CCSER1: variants seen among roughly 807,000 people sequenced by gnomAD.
CCSER1 encodes the protein serine-rich coiled-coil domain-containing protein 1.
A neutral mutation model predicts 82.0 loss-of-function variants in CCSER1; 41 were observed. The ratio of observed to expected loss-of-function variants is 0.50; its 90% CI spans 0.39 to 0.65. CCSER1 has a LOEUF of 0.65. CCSER1 is among the 30% of genes least tolerant of loss of function. CCSER1 has a pLI of 0.00. For synonymous variants in CCSER1, 414 were observed against 383.9 expected (o/e 1.08, Z -0.92); for missense variants, 1,119 against 1,064.2 (o/e 1.05, Z -0.72).
At chr4:91,340,991 T>A (rs1747685389) in intron 10 of CCSER1, among the ~76,000 whole-genome samples, 1 of 152,206 alleles carries the variant, frequency 6.6e-6, no homozygotes, top group Admixed American at 6.5e-5. Flanking sequence ...ATAATGGACA[T>A]AACTGAAACT....
intron 3 of CCSER1, among the ~76,000 whole-genome samples, chr4:90,390,879 C>T (rs1440733245): frequency 6.6e-6 from 1 of 152,114 alleles, no homozygotes; most frequent in African/African-American, 2.4e-5. Flanking sequence ...TCCATAGTGG[C>T]TCAACTAGTT....
intron 6 of CCSER1, among the ~76,000 whole-genome samples, chr4:90,651,688 T>TAA (rs34539598): frequency 7.4e-5 from 11 of 149,486 alleles, no homozygotes; most frequent in Non-Finnish European, 1.0e-4. Context: ...AAAGTATAAT[T>TAA]AAAAAAAAAA....
chr4:90,309,833 T>C (rs1734983343), intron 2 of CCSER1, among the ~76,000 whole-genome samples: 1 of 152,120 alleles, frequency 6.6e-6, no homozygotes. Context: ...ACTCATTTTT[T>C]CTCACTTATG....
intron 10 of CCSER1, among the ~76,000 whole-genome samples, chr4:91,573,658 T>C (rs1368384314): frequency 6.6e-6 from 1 of 152,202 alleles, no homozygotes; most frequent in Non-Finnish European, 1.5e-5. Context: ...TGCTACCAGG[T>C]GGACCGTTGC....
chr4:90,916,009 A>T (rs1727332242), intron 8 of CCSER1, among the ~76,000 whole-genome samples: 2 of 152,192 alleles, frequency 1.3e-5, no homozygotes, highest in South Asian at 4.1e-4. Context: ...TCAATGAAAT[A>T]AAAGAGGACA....
intron 10 of CCSER1, among the ~76,000 whole-genome samples, chr4:91,160,876 T>A (rs1164120947): frequency 2.0e-5 from 3 of 152,200 alleles, no homozygotes; most frequent in South Asian, 2.1e-4. Flanking sequence ...GATGGTAGTT[T>A]CTTTTGCTGT....
intron 1 of CCSER1, among the ~76,000 whole-genome samples, chr4:90,230,303 C>G (rs1560838361): frequency 6.6e-6 from 1 of 152,118 alleles, no homozygotes; most frequent in African/African-American, 2.4e-5. Flanking sequence ...AACTAGAACT[C>G]AGGATGAAGA....
intron 10 of CCSER1, among the ~76,000 whole-genome samples, chr4:91,578,381 T>C (rs536692926): frequency 1.8e-4 from 27 of 152,132 alleles, no homozygotes; most frequent in Admixed American, 1.2e-3. Context: ...TATATAAGAA[T>C]ACTCAGAATA....
intron 6 of CCSER1, among the ~76,000 whole-genome samples, chr4:90,655,326 A>T (rs1729512242): frequency 6.6e-6 from 1 of 152,030 alleles, no homozygotes; most frequent in Non-Finnish European, 1.5e-5. Flanking sequence ...TTTTTATTAA[A>T]AAATTTCTGT....
chr4:90,435,152 A>G (rs2153569003), intron 4 of CCSER1, among the ~76,000 whole-genome samples: 1 of 152,300 alleles, frequency 6.6e-6, no homozygotes, highest in Non-Finnish European at 1.5e-5. Flanking sequence ...TTTCATTACT[A>G]TAAAAAGACA....
In CCSER1 at chr4:90,405,362, G is replaced by C. The variant is rs557404193; in HGVS notation, c.1603+5233G>C. Among the ~76,000 whole-genome samples the C allele has an allele frequency of 2.6e-5, 4 of 152,236 alleles. No individual in the cohort carries two copies. The South Asian group carries it at 8.3e-4, about 32-fold the overall frequency. Reference sequence around the variant, plus strand: ...TAAATCCTCCAAGAAGTTTGGCACTGTGTTAAATGTCCAAACCTGTGAATA... The same window carrying C: ...TAAATCCTCCAAGAAGTTTGGCACTCTGTTAAATGTCCAAACCTGTGAATA... On this transcript the variant is annotated intron_variant, in intron 4 of 10. Coordinates refer to ENST00000509176, the MANE Select transcript of CCSER1 (RefSeq NM_001145065.2).
intron 5 of CCSER1, among the ~76,000 whole-genome samples, chr4:90,496,707 A>G (rs1769057280): frequency 6.6e-6 from 1 of 152,194 alleles, no homozygotes; most frequent in Non-Finnish European, 1.5e-5. Flanking sequence ...GGCCAGGCAC[A>G]GTGGCTCACG....
intron 5 of CCSER1, among the ~76,000 whole-genome samples, chr4:90,510,311 C>T (rs536714929): frequency 1.4e-4 from 22 of 152,210 alleles, no homozygotes; most frequent in South Asian, 6.2e-4. Flanking sequence ...AGCCAAAATA[C>T]GCAAGTATTT....
intron 10 of CCSER1, among the ~76,000 whole-genome samples, chr4:91,495,282 G>C (rs956325514): frequency 6.6e-5 from 10 of 151,468 alleles, no homozygotes; most frequent in African/African-American, 2.2e-4. Context: ...CATGTTTTCT[G>C]TATATTGTTG....
intron 7 of CCSER1, among the ~76,000 whole-genome samples, chr4:90,742,984 A>G (rs1390329443): frequency 6.6e-6 from 1 of 152,192 alleles, no homozygotes; most frequent in African/African-American, 2.4e-5. Flanking sequence ...TGCAGTTTTC[A>G]TACCACACAT....
At position 90,860,146 on chromosome 4, in the gene CCSER1, A is replaced by G. The variant is rs554904374; in HGVS notation, c.2094+44301A>G. On this transcript the variant is annotated intron_variant, in intron 8 of 10. Transcript: ENST00000509176. ...CCAGAATACATAAAAAATTTGTATAATTCAACAATAAAAAGAAAAATAACC... is the reference window on the plus strand; with the variant it reads ...CCAGAATACATAAAAAATTTGTATAGTTCAACAATAAAAAGAAAAATAACC... Among the ~76,000 whole-genome samples the G allele has an allele frequency of 1.1e-4, 16 of 151,834 alleles. No individual in the cohort carries two copies. The East Asian group carries it at 2.9e-3, about 28-fold the overall frequency.
At chr4:91,375,323 A>G (rs887067879) in intron 10 of CCSER1, among the ~76,000 whole-genome samples, 28 of 152,330 alleles carry the variant, frequency 1.8e-4, no homozygotes, top group African/African-American at 6.3e-4. Context: ...GGCACGAAAC[A>G]TTGTTAAAAT....
intron 10 of CCSER1, among the ~76,000 whole-genome samples, chr4:91,090,072 T>C (rs756658661): frequency 6.6e-6 from 1 of 152,062 alleles, no homozygotes. Context: ...AAGATGGGGG[T>C]CCGATATCCC....
chr4:91,582,756 G>A (rs1392658699), intron 10 of CCSER1, among the ~76,000 whole-genome samples: 2 of 151,258 alleles, frequency 1.3e-5, no homozygotes, highest in African/African-American at 4.8e-5. Flanking sequence ...TATCATCTCT[G>A]ATGGGATTAT....
Sources: gnomAD v4.1 joint callset for allele counts (sites outside exome capture counted in the v4.1 genomes callset) on GRCh38, gnomAD v4.1.1 for gene constraint, MANE v1.5 for transcripts, NCBI Gene and HGNC (gene_info 2026-07-23, HGNC 2026-07-21) for gene names.